ITIH2: variants seen among roughly 807,000 people sequenced by gnomAD.
ITIH2 encodes the protein inter-alpha-trypsin inhibitor heavy chain H2.
ITIH2 carries 103 observed loss-of-function variants against 104.4 expected under a neutral mutation model. That is an observed-to-expected ratio of 0.99 (90% CI 0.84 to 1.16). The LOEUF (loss-of-function observed/expected upper bound fraction) is 1.16, where lower values mean the gene tolerates loss of function less well. ITIH2 is among the 50% of genes most tolerant of loss of function. The probability of loss-of-function intolerance (pLI) is 0.00; values close to 1 mark genes in which losing one functional copy is unlikely to be tolerated. For missense variants in ITIH2, 1,108 were observed against 1,162.4 expected (o/e 0.95, Z 0.68); for synonymous variants, 436 against 435.4 (o/e 1.00, Z -0.02).
chr10:7,707,154 A>G, intron 2 of ITIH2, 47 bp from the exon 3 acceptor site: 1 of 1,427,978 alleles, frequency 7.0e-7, no homozygotes, highest in Non-Finnish European at 9.7e-7. Context: ...TCTCAAGGTA[A>G]TAAGTGACAT....
rs1234321596 is a variant in ITIH2, at chr10:7,721,758, A to G, written c.848A>G (p.Glu283Gly). ...LVVLYDVKRE[E>G]KAGELEVFNG... Reference sequence around the variant, plus strand: ...GTGCTGTATGACGTGAAAAGAGAAGAGAAGGCTGGTGAACTGGAGGTGAGT... The same window carrying G: ...GTGCTGTATGACGTGAAAAGAGAAGGGAAGGCTGGTGAACTGGAGGTGAGT... The change falls in exon 8 of 21, where the codon GAG becomes GGG. Residue 283 changes from glutamate (E) to glycine (G), a missense_variant. Physicochemically the swap from Glu to Gly is moderately conservative, Grantham distance 98. Transcript: ENST00000358415. The G allele has an allele frequency of 1.2e-6, 2 of 1,614,014 alleles. No homozygotes were observed. The highest frequency in any genetic ancestry group is 3.3e-5 in the Admixed American group (2 of 60,020).
rs1359993863 is a variant in ITIH2, at chr10:7,734,986, GACC to G, written c.1858_1860del (p.His620del). 1 of 1,613,804 alleles carries G rather than the reference GACC, an allele frequency of 6.2e-7. No homozygotes were observed. The highest frequency in any genetic ancestry group is 2.2e-5 in the East Asian group (1 of 44,890). On this transcript the variant is annotated inframe_deletion, in exon 15 of 21. Coordinates refer to ENST00000358415, the MANE Select transcript of ITIH2 (RefSeq NM_002216.3). Reference sequence around the variant, plus strand: ...AAGATCGATCCTGCAGATGTCTCTAGACCACCACATTGTGACTCCGCTGACCTC... The same window carrying G: ...AAGATCGATCCTGCAGATGTCTCTAGACCACATTGTGACTCCGCTGACCTC...
intron 6 of ITIH2, among the ~76,000 whole-genome samples, chr10:7,719,145 T>G (rs1159668244): frequency 6.6e-6 from 1 of 152,208 alleles, no homozygotes; most frequent in Non-Finnish European, 1.5e-5. Flanking sequence ...GGGAATGAAT[T>G]AATCACGATG....
intron 15 of ITIH2, 130 bp from the exon 16 acceptor site, chr10:7,738,491 G>A: frequency 1.0e-6 from 1 of 999,940 alleles, no homozygotes; most frequent in Non-Finnish European, 1.5e-6. Context: ...GAGAACTCTG[G>A]AATAAAAACA....
At chr10:7,709,311 G>C (rs1834775120) in intron 4 of ITIH2, 120 bp downstream of exon 4, 4 of 846,578 alleles carry the variant, frequency 4.7e-6, no homozygotes, top group Non-Finnish European at 7.6e-6. Flanking sequence ...GGATGTCAAG[G>C]GTCATTGTGA....
At chr10:7,723,206 GGAGTGGAGCGGTGTGGAGTGAAGCA>G (rs1834922773) in intron 8 of ITIH2, among the ~76,000 whole-genome samples, 1 of 152,002 alleles carries the variant, frequency 6.6e-6, no homozygotes, top group Non-Finnish European at 1.5e-5. Flanking sequence ...GGAGTCAAGT[GGAGTGGAGCGGTGTGGAGTGAAGCA>G]GCGTGGAGTG....
chr10:7,743,195 C>G lies in ITIH2; in HGVS notation c.2145C>G (p.Asn715Lys), dbSNP rs753148154. The G allele has an allele frequency of 6.3e-7, 1 of 1,592,604 alleles. No individual in the cohort carries two copies. Among genetic ancestry groups the G allele is most frequent in the South Asian group, 1.2e-5 (1 of 85,536 alleles). ...TTTATCTACCAAAAAGCCAAAAGAA[C>G]ATTTGTTTCAATATTGACTCAGAAC... ...FIIYLPKSQK[N>K]ICFNIDSEPG... is the part of the protein sequence containing the mutation. The change falls in exon 17 of 21, where the codon AAC becomes AAG. Residue 715 changes from asparagine to lysine, a missense_variant. Asn to Lys is a moderately conservative substitution (Grantham distance 94). Transcript: ENST00000358415.
intron 16 of ITIH2, 47 bp from the exon 17 acceptor site, chr10:7,743,099 T>C (rs770952597): frequency 1.1e-5 from 10 of 898,018 alleles, no homozygotes; most frequent in Admixed American, 4.5e-5. Flanking sequence ...CTCAAAATCA[T>C]CTTCCTTTTA....
intron 1 of ITIH2, 140 bp downstream of exon 1, chr10:7,703,658 G>GGA: frequency 1.6e-6 from 1 of 619,342 alleles, no homozygotes; most frequent in Non-Finnish European, 2.9e-6. Context: ...AGTGTTTACT[G>GGA]TTATAATTAC....
intron 6 of ITIH2, 150 bp downstream of exon 6, chr10:7,717,938 T>C: frequency 1.4e-6 from 1 of 734,784 alleles, no homozygotes; most frequent in South Asian, 2.2e-5. Flanking sequence ...ATGGTGGGTT[T>C]GGAGTCAGCC....
chr10:7,721,748 A>C lies in ITIH2; in HGVS notation c.838A>C (p.Lys280Gln). ...GGAACTGGTGGTGCTGTATGACGTG[A>C]AAAGAGAAGAGAAGGCTGGTGAACT... ...DGELVVLYDV[K>Q]REEKAGELEV... Residue 280 changes from lysine to glutamine, a missense_variant, in exon 8 of 21, where the codon AAA becomes CAA. Coordinates refer to ENST00000358415, the MANE Select transcript of ITIH2 (RefSeq NM_002216.3). 1.2e-6 allele frequency: 2 copies of C among 1,614,028 alleles called. No individual in the cohort carries two copies. The highest frequency in any genetic ancestry group is 1.7e-6 in the Non-Finnish European group (2 of 1,179,980).
chr10:7,717,577 C>G (rs772520631), intron 5 of ITIH2, 49 bp from the exon 6 acceptor site: 1 of 1,571,352 alleles, frequency 6.4e-7, no homozygotes, highest in South Asian at 1.1e-5. Flanking sequence ...CTGGGTCTTG[C>G]TGCTCAATCA....
chr10:7,737,178 G>C (rs907779263), intron 15 of ITIH2, among the ~76,000 whole-genome samples: 1 of 151,030 alleles, frequency 6.6e-6, no homozygotes, highest in African/African-American at 2.4e-5. Flanking sequence ...AGGAGAAAAG[G>C]CTTTCTTTAG....
At chr10:7,733,481 CCTATGCTCAT>C (rs1175149142) in intron 14 of ITIH2, among the ~76,000 whole-genome samples, 1 of 152,056 alleles carries the variant, frequency 6.6e-6, no homozygotes, top group Non-Finnish European at 1.5e-5. Context: ...GAAGGGCTCC[CCTATGCTCAT>C]CTATGTCCCC....
rs1564305553 is a variant in ITIH2, at chr10:7,737,657, ATTCTATATTATATTCTATATT to A, written c.1958-943_1958-923del. On this transcript the variant is annotated intron_variant, in intron 15 of 20. Coordinates refer to ENST00000358415, the MANE Select transcript of ITIH2 (RefSeq NM_002216.3). The stretch of plus-strand genomic sequence containing the variant: ...TATTCTATAGAATATTCTATATTAT[ATTCTATATTATATTCTATATT>A]TTCTATATTATATTCTATATAATAT... Among the ~76,000 whole-genome samples, 18 of 85,670 alleles carry A rather than the reference ATTCTATATTATATTCTATATT, an allele frequency of 2.1e-4. 2 individuals carry two copies. The highest frequency in any genetic ancestry group is 3.7e-4 in the South Asian group (1 of 2,716). The allele number at this position is 85,670 out of a possible 152,430, so 56.2% of individuals were successfully genotyped here. A position where few individuals can be genotyped will look rare whatever the true frequency, so the allele number is the denominator to read the frequency against.
At chr10:7,743,615 T>C (rs1170335231) in intron 17 of ITIH2, among the ~76,000 whole-genome samples, 2 of 151,870 alleles carry the variant, frequency 1.3e-5, no homozygotes, top group African/African-American at 4.8e-5. Context: ...CCCCCACTAC[T>C]AAAAATACAA....
intron 11 of ITIH2, among the ~76,000 whole-genome samples, 196 bp downstream of exon 11, chr10:7,728,024 C>T (rs1021418742): frequency 3.9e-5 from 6 of 152,190 alleles, no homozygotes; most frequent in East Asian, 3.8e-4. Context: ...TCAGCAAGGG[C>T]GCTCTTGAAT....
At chr10:7,707,063 G>C in intron 2 of ITIH2, 138 bp from the exon 3 acceptor site, 1 of 499,542 alleles carries the variant, frequency 2.0e-6, no homozygotes, top group Non-Finnish European at 3.6e-6. Flanking sequence ...CAATATTTAT[G>C]TCTCAACTCC....
At position 7,732,422 on chromosome 10, in the gene ITIH2, G is replaced by A. The variant is rs149478423; in HGVS notation, c.1732G>A (p.Asp578Asn). 2 of 1,613,938 alleles carry A rather than the reference G, an allele frequency of 1.2e-6. No individual in the cohort carries two copies. Among genetic ancestry groups the A allele is most frequent in the African/African-American group, 1.3e-5 (1 of 74,888 alleles). ...FLSKDKHADPDFTRKLWAYLT... is the reference protein window; with the variant it reads ...FLSKDKHADPNFTRKLWAYLT... The stretch of plus-strand genomic sequence containing the variant: ...ATCGAAAGACAAGCATGCAGATCCC[G>A]ATTTCACCAGGAAACTGTGGGCCTA... Residue 578 changes from aspartate to asparagine, a missense_variant, in exon 14 of 21, where the codon GAT becomes AAT. By Grantham distance (23) the Asp-to-Asn change is conservative. Coordinates refer to ENST00000358415, the MANE Select transcript of ITIH2 (RefSeq NM_002216.3).
Sources: gnomAD v4.1 joint callset for allele counts (sites outside exome capture counted in the v4.1 genomes callset) on GRCh38, gnomAD v4.1.1 for gene constraint, MANE v1.5 for transcripts, NCBI Gene and HGNC (gene_info 2026-07-23, HGNC 2026-07-21) for gene names.